LDB2: variants seen among roughly 807,000 people sequenced by gnomAD.
LDB2 encodes the protein LIM domain binding 2, also known as LIM domain-binding protein 2.
Under a neutral mutation model 44.3 loss-of-function variants are expected in LDB2, and 12 were observed. That is an observed-to-expected ratio of 0.27 (90% CI 0.17 to 0.44). The LOEUF is 0.44. Among genes scored for constraint, LDB2 ranks in the 20% least tolerant of loss-of-function variants. The pLI is 1.00. For synonymous variants in LDB2, 164 were observed against 174.8 expected, an observed-to-expected ratio of 0.94 and a Z score of 0.49; for missense variants, 344 against 473.5, an observed-to-expected ratio of 0.73 and a Z score of 2.54.
intron 2 of LDB2, among the ~76,000 whole-genome samples, chr4:16,697,855 T>C (rs1752544636): frequency 6.6e-6 from 1 of 152,148 alleles, no homozygotes; most frequent in Non-Finnish European, 1.5e-5. Context: ...GTCAGATTGA[T>C]TTACGTAGTA....
intron 2 of LDB2, among the ~76,000 whole-genome samples, chr4:16,733,634 GC>G (rs1761228406): frequency 6.6e-6 from 1 of 152,160 alleles, no homozygotes; most frequent in African/African-American, 2.4e-5. Flanking sequence ...GGAAATAGCA[GC>G]CCTGGGTAAA....
intron 2 of LDB2, among the ~76,000 whole-genome samples, chr4:16,719,385 C>T (rs1757759910): frequency 1.3e-5 from 2 of 152,078 alleles, no homozygotes. Context: ...TCAATGTAGT[C>T]AGTCAAAATA....
chr4:16,519,907 A>G (rs1413148655), intron 5 of LDB2, among the ~76,000 whole-genome samples: 3 of 152,050 alleles, frequency 2.0e-5, no homozygotes, highest in African/African-American at 7.2e-5. Flanking sequence ...CCACTGAGCC[A>G]GGCGCTCAAT....
At chr4:16,619,905 T>C (rs1267610300) in intron 2 of LDB2, among the ~76,000 whole-genome samples, 1 of 150,966 alleles carries the variant, frequency 6.6e-6, no homozygotes, top group African/African-American at 2.4e-5. Flanking sequence ...TTAAAAAGAA[T>C]AAAATAAAGA....
At chr4:16,518,788 C>T (rs1724862676) in intron 5 of LDB2, among the ~76,000 whole-genome samples, 1 of 152,240 alleles carries the variant, frequency 6.6e-6, no homozygotes, top group East Asian at 1.9e-4. Flanking sequence ...GTTCAATTCA[C>T]TGCTTACTTT....
chr4:16,656,559 G>A (rs953316077), intron 2 of LDB2, among the ~76,000 whole-genome samples: 1 of 152,196 alleles, frequency 6.6e-6, no homozygotes, highest in Non-Finnish European at 1.5e-5. Flanking sequence ...AAAAACGGAA[G>A]CAGCTCAAAA....
At chr4:16,527,877 A>T (rs894706958) in intron 5 of LDB2, among the ~76,000 whole-genome samples, 3 of 152,176 alleles carry the variant, frequency 2.0e-5, no homozygotes, top group Non-Finnish European at 4.4e-5. Context: ...TAATCATTTC[A>T]CTATAAATAT....
At chr4:16,871,003 A>G (rs1036449304) in intron 1 of LDB2, among the ~76,000 whole-genome samples, 1 of 152,156 alleles carries the variant, frequency 6.6e-6, no homozygotes, top group African/African-American at 2.4e-5. Context: ...CCTCTGGCAA[A>G]TGAGTGAGAC....
At chr4:16,620,832 T>C (rs891438295) in intron 2 of LDB2, among the ~76,000 whole-genome samples, 2 of 152,228 alleles carry the variant, frequency 1.3e-5, no homozygotes, top group South Asian at 2.1e-4. Context: ...TACTTGATAG[T>C]ATAAAAGTTA....
intron 1 of LDB2, among the ~76,000 whole-genome samples, chr4:16,819,860 T>C (rs1340173064): frequency 6.6e-6 from 1 of 152,192 alleles, no homozygotes; most frequent in Non-Finnish European, 1.5e-5. Flanking sequence ...AAGCACCTAT[T>C]TGGAAGTATT....
intron 5 of LDB2, among the ~76,000 whole-genome samples, chr4:16,523,442 T>C (rs891595512): frequency 2.0e-5 from 3 of 152,228 alleles, no homozygotes; most frequent in Non-Finnish European, 4.4e-5. Flanking sequence ...AAATACTTTA[T>C]GGCCTCTCTC....
chr4:16,829,568 G>A (rs1013344873), intron 1 of LDB2, among the ~76,000 whole-genome samples: 2 of 152,094 alleles, frequency 1.3e-5, no homozygotes, highest in Admixed American at 6.6e-5. Flanking sequence ...GTTAAATCCT[G>A]TGTGTGTTAT....
chr4:16,771,352 C>G (rs779693845), intron 1 of LDB2, among the ~76,000 whole-genome samples: 2 of 152,082 alleles, frequency 1.3e-5, no homozygotes, highest in Non-Finnish European at 2.9e-5. Context: ...CATTTCTATT[C>G]TCTTCTCTGT....
chr4:16,514,240 C>T (rs529849850), intron 5 of LDB2, among the ~76,000 whole-genome samples: 10 of 152,238 alleles, frequency 6.6e-5, no homozygotes, highest in African/African-American at 2.2e-4. Context: ...AACTTTGATT[C>T]AATAAATATG....
intron 1 of LDB2, among the ~76,000 whole-genome samples, chr4:16,858,755 T>C (rs1027359633): frequency 2.0e-5 from 3 of 152,204 alleles, no homozygotes; most frequent in African/African-American, 7.2e-5. Flanking sequence ...CACATCACAA[T>C]TATTTCGGCA....
intron 5 of LDB2, among the ~76,000 whole-genome samples, chr4:16,576,695 A>G (rs1711755071): frequency 6.6e-6 from 1 of 152,216 alleles, no homozygotes; most frequent in Non-Finnish European, 1.5e-5. Flanking sequence ...ATTCCAACAA[A>G]TAGAGGAGGA....
intron 1 of LDB2, among the ~76,000 whole-genome samples, chr4:16,780,650 TC>T (rs1772996097): frequency 6.6e-6 from 1 of 152,122 alleles, no homozygotes; most frequent in Non-Finnish European, 1.5e-5. Context: ...AGCCTTTCTC[TC>T]CAGATCCCAA....
chr4:16,698,453 C>G (rs934868611), intron 2 of LDB2, among the ~76,000 whole-genome samples: 1 of 152,182 alleles, frequency 6.6e-6, no homozygotes, highest in Non-Finnish European at 1.5e-5. Context: ...GATCAAACTT[C>G]TGATTTGTCA....
intron 1 of LDB2, among the ~76,000 whole-genome samples, chr4:16,761,813 C>T (rs1476160582): frequency 1.3e-5 from 2 of 152,032 alleles, no homozygotes; most frequent in Non-Finnish European, 2.9e-5. Flanking sequence ...ATATCTAGGG[C>T]AGGAGGCATT....
Sources: gnomAD v4.1 joint callset for allele counts (sites outside exome capture counted in the v4.1 genomes callset) on GRCh38, gnomAD v4.1.1 for gene constraint, MANE v1.5 for transcripts, NCBI Gene and HGNC (gene_info 2026-07-23, HGNC 2026-07-21) for gene names.